The following MTM1 variants were observed in gnomAD, a reference collection of about 807,000 sequenced individuals.
The protein encoded by MTM1 is myotubularin.
MTM1 carries 9 observed loss-of-function variants against 52.1 expected under a neutral mutation model. That is an observed-to-expected ratio of 0.17 (90% CI 0.10 to 0.30). The LOEUF is 0.30. Among genes scored for constraint, MTM1 ranks in the 10% least tolerant of loss-of-function variants. The pLI is 1.00. For synonymous variants in MTM1, 136 were observed against 163.8 expected (o/e 0.83, Z 1.29); for missense variants, 277 against 470.7 (o/e 0.59, Z 3.81).
intron 2 of MTM1, among the ~76,000 whole-genome samples, chrX:150,595,820 A>C (rs367907161): frequency 7.1e-5 from 8 of 112,566 alleles, no homozygotes; most frequent in Admixed American, 3.8e-4. Context: ...TGAATGAGGC[A>C]CATGCTTGGG....
At chrX:150,646,734 T>C (rs2039937634) in intron 9 of MTM1, among the ~76,000 whole-genome samples, 1 of 112,794 alleles carries the variant, frequency 8.9e-6, no homozygotes, top group African/African-American at 3.2e-5. Flanking sequence ...ATTTAATACA[T>C]TGCTTATCCT....
intron 4 of MTM1, among the ~76,000 whole-genome samples, chrX:150,606,842 C>CCTTCCCTCCCTTCCCTCT: frequency 1.0e-5 from 1 of 96,903 alleles, no homozygotes; most frequent in Admixed American, 1.1e-4. Context: ...TTCTTCCCTT[C>CCTTCCCTCCCTTCCCTCT]CTTCCCTCCC....
Position 150,645,704 on chromosome X carries a change from G to C in MTM1, c.700G>C (p.Glu234Gln), listed in dbSNP as rs372053838. The C allele has an allele frequency of 6.8e-5, 82 of 1,210,450 alleles. No individual in the cohort carries two copies. Among genetic ancestry groups the C allele is most frequent in the Non-Finnish European group, 8.5e-5 (76 of 895,203 alleles). ...RIPVLSWIHP[E>Q]NKTVIVRCSQ... ...ATAGGTGCTGTCATGGATTCATCCAGAAAATAAGACGGTCATTGTGCGTTG... is the reference window on the plus strand; with the variant it reads ...ATAGGTGCTGTCATGGATTCATCCACAAAATAAGACGGTCATTGTGCGTTG... Residue 234 changes from glutamate (E) to glutamine (Q), a missense_variant, in exon 9 of 15, where the codon GAA becomes CAA. By Grantham distance (29) the Glu-to-Gln change is conservative. Transcript: ENST00000370396.
intron 10 of MTM1, among the ~76,000 whole-genome samples, chrX:150,656,179 T>C (rs1557414407): frequency 9.0e-6 from 1 of 111,452 alleles, no homozygotes. Flanking sequence ...CCTGCAAAAA[T>C]TTATATGTTG....
At chrX:150,589,560 T>C (rs1413087363) in intron 1 of MTM1, among the ~76,000 whole-genome samples, 2 of 111,511 alleles carry the variant, frequency 1.8e-5, no homozygotes. Flanking sequence ...CTGATTTTTG[T>C]AGACTTCACT....
intron 9 of MTM1, among the ~76,000 whole-genome samples, chrX:150,646,621 G>A (rs2039935527): frequency 8.9e-6 from 1 of 112,165 alleles, no homozygotes; most frequent in South Asian, 3.7e-4. Context: ...CATCATTGCT[G>A]TCACTTTCAA....
At chrX:150,573,413 A>G (rs782458001) in intron 1 of MTM1, among the ~76,000 whole-genome samples, 5 of 112,527 alleles carry the variant, frequency 4.4e-5, no homozygotes, top group Non-Finnish European at 7.5e-5. Context: ...GGAATAATTG[A>G]AAGTAAAAAT....
intron 6 of MTM1, 133 bp from the exon 7 acceptor site, chrX:150,638,810 T>C: frequency 2.1e-6 from 1 of 487,169 alleles, no homozygotes; most frequent in Non-Finnish European, 3.6e-6. Flanking sequence ...GTTGTTGTTA[T>C]AAGCCTTGGT....
chrX:150,659,951 G>T (rs191809344), intron 12 of MTM1, among the ~76,000 whole-genome samples, 195 bp downstream of exon 12: 85 of 111,687 alleles, frequency 7.6e-4, no homozygotes, highest in African/African-American at 2.7e-3. Flanking sequence ...TGATATATCT[G>T]GGATTTTCCC....
intron 4 of MTM1, among the ~76,000 whole-genome samples, chrX:150,613,770 T>G (rs2039333093): frequency 8.9e-6 from 1 of 112,142 alleles, no homozygotes; most frequent in African/African-American, 3.2e-5. Context: ...ACATGGCAGC[T>G]GCTGTGATGA....
intron 2 of MTM1, 148 bp downstream of exon 2, chrX:150,592,825 T>C (rs1177309954): frequency 2.9e-5 from 13 of 441,702 alleles, no homozygotes; most frequent in Non-Finnish European, 5.0e-5. Flanking sequence ...TTCTTTATTG[T>C]CTCACCTTGT....
chrX:150,647,194 A>AATATATATATATATATATATATATAT lies in MTM1; in HGVS notation c.867+1325_867+1350dup, dbSNP rs59931479. 6.2e-4 allele frequency among the ~76,000 whole-genome samples: 52 copies of AATATATATATATATATATATATATAT among 83,812 alleles called. 2 individuals are homozygous for AATATATATATATATATATATATATAT. Among genetic ancestry groups the AATATATATATATATATATATATATAT allele is most frequent in the African/African-American group, 1.6e-3 (28 of 17,521 alleles). 72.8% of individuals were successfully genotyped at this position (83,812 alleles called of 115,157 possible). A position where few individuals can be genotyped will look rare whatever the true frequency, so the allele number is the denominator to read the frequency against. On this transcript the variant is annotated intron_variant, in intron 9 of 14. Coordinates refer to ENST00000370396, the MANE Select transcript of MTM1 (RefSeq NM_000252.3). ...TATCTTTCATATATATTTCAGGGTG[A>AATATATATATATATATATATATATAT]ATATATATATATATATATATATATA... is the stretch of plus-strand genomic sequence containing the variant.
intron 1 of MTM1, among the ~76,000 whole-genome samples, chrX:150,580,292 T>C (rs1017735302): frequency 1.8e-5 from 2 of 112,188 alleles, no homozygotes; most frequent in African/African-American, 6.5e-5. Flanking sequence ...TCACCACATT[T>C]ATACCCATTC....
chrX:150,643,305 TAATC>T (rs1293807737), intron 8 of MTM1, among the ~76,000 whole-genome samples: 22 of 112,250 alleles, frequency 2.0e-4, no homozygotes, highest in African/African-American at 7.1e-4. Flanking sequence ...GGTAGAGAAA[TAATC>T]AATGTGCATT....
chrX:150,582,822 G>A (rs1362234000), intron 1 of MTM1, among the ~76,000 whole-genome samples: 5 of 107,873 alleles, frequency 4.6e-5, no homozygotes, highest in African/African-American at 1.7e-4. Flanking sequence ...AGAACTGTGA[G>A]AGAATTTATT....
upstream of MTM1, among the ~76,000 whole-genome samples, chrX:150,563,614 G>A (rs1166486141): frequency 6.6e-5 from 7 of 106,171 alleles, no homozygotes; most frequent in South Asian, 4.5e-4. Context: ...GGCCGGGCAC[G>A]ATGGCTCACG....
intron 6 of MTM1, among the ~76,000 whole-genome samples, chrX:150,630,129 G>T (rs782158814): frequency 8.9e-6 from 1 of 112,168 alleles, no homozygotes; most frequent in South Asian, 3.7e-4. Context: ...GTCTTGCTCT[G>T]TTGCCCAGGC....
At chrX:150,642,096 T>C (rs868968055) in intron 8 of MTM1, among the ~76,000 whole-genome samples, 7 of 108,310 alleles carry the variant, frequency 6.5e-5, no homozygotes, top group Admixed American at 3.0e-4. Flanking sequence ...GTTTTTTTTT[T>C]CCCCTAATAA....
chrX:150,615,783 G>C (rs984212938), intron 5 of MTM1, among the ~76,000 whole-genome samples: 1 of 111,960 alleles, frequency 8.9e-6, no homozygotes, highest in African/African-American at 3.2e-5. Context: ...TTTTCTATCA[G>C]AAACTAAAGG....
Sources: gnomAD v4.1 joint callset for allele counts (sites outside exome capture counted in the v4.1 genomes callset) on GRCh38, gnomAD v4.1.1 for gene constraint, MANE v1.5 for transcripts, NCBI Gene and HGNC (gene_info 2026-07-23, HGNC 2026-07-21) for gene names.